RNF135: variants seen among roughly 807,000 people sequenced by gnomAD.
The protein encoded by RNF135 is ring finger protein 135, also known as E3 ubiquitin-protein ligase RNF135.
RNF135 carries 46 observed loss-of-function variants against 41.9 expected under a neutral mutation model. The ratio of observed to expected loss-of-function variants is 1.10; its 90% CI spans 0.87 to 1.40. The LOEUF (loss-of-function observed/expected upper bound fraction) is 1.40. Ranked by LOEUF, RNF135 falls within the 40% of genes most tolerant of loss-of-function variation. RNF135 has a pLI of 0.00. For synonymous variants in RNF135, 238 were observed against 223.8 expected (o/e 1.06, Z -0.57); for missense variants, 539 against 549.8 (o/e 0.98, Z 0.20).
At chr17:30,972,964 C>G (rs1196694722) in intron 1 of RNF135, 1 of 152,126 alleles carries the variant, frequency 6.6e-6, no homozygotes, top group Non-Finnish European at 1.5e-5. Flanking sequence ...TTAGTAGAGA[C>G]GGGTTTTCAC....
At chr17:30,983,347 ATATATATTT>A (rs1175770359) in intron 1 of RNF135, among the ~76,000 whole-genome samples, 655 of 36,630 alleles carry the variant, frequency 0.018, 6 homozygotes, top group African/African-American at 0.063. Flanking sequence ...ATATATATAT[ATATATATTT>A]TTTTTTTTTT....
At chr17:30,980,411 C>G (rs1261632249) in intron 1 of RNF135, among the ~76,000 whole-genome samples, 1 of 145,552 alleles carries the variant, frequency 6.9e-6, no homozygotes, top group Non-Finnish European at 1.5e-5. Flanking sequence ...TAGGGGCGGC[C>G]GGGCAGAGGG....
At chr17:30,998,390 A>T (rs1908511115) in intron 4 of RNF135, among the ~76,000 whole-genome samples, 1 of 152,196 alleles carries the variant, frequency 6.6e-6, no homozygotes, top group South Asian at 2.1e-4. Flanking sequence ...AATAAATTTT[A>T]AAAATAAATA....
At chr17:30,992,353 C>T (rs1274534475) in intron 3 of RNF135, among the ~76,000 whole-genome samples, 2 of 151,962 alleles carry the variant, frequency 1.3e-5, no homozygotes, top group African/African-American at 4.8e-5. Flanking sequence ...CAGGTGTGAA[C>T]CACCATGTCT....
intron 1 of RNF135, among the ~76,000 whole-genome samples, chr17:30,983,161 TTGTC>T (rs1907276753): frequency 6.6e-6 from 1 of 151,558 alleles, no homozygotes; most frequent in South Asian, 2.1e-4. Context: ...ATTCATTCAT[TTGTC>T]TGCAGATACT....
intron 1 of RNF135, among the ~76,000 whole-genome samples, chr17:30,982,982 C>T (rs1907264631): frequency 2.0e-5 from 3 of 152,092 alleles, no homozygotes; most frequent in Admixed American, 2.0e-4. Context: ...TTTGACTACT[C>T]TAAATACCTC....
At chr17:30,982,965 C>T (rs1003862178) in intron 1 of RNF135, among the ~76,000 whole-genome samples, 32 of 152,112 alleles carry the variant, frequency 2.1e-4, no homozygotes, top group Non-Finnish European at 4.3e-4. Flanking sequence ...TAATTTCTGT[C>T]TCTGATTTTG....
At chr17:30,983,332 TATATATATATATATA>T (rs1907307098) in intron 1 of RNF135, among the ~76,000 whole-genome samples, 1 of 34,582 alleles carries the variant, frequency 2.9e-5, no homozygotes, top group African/African-American at 9.5e-5. Context: ...TATATATATA[TATATATATATATATA>T]TATATATTTT....
chr17:30,990,626 T>G (rs1291295074), intron 3 of RNF135, among the ~76,000 whole-genome samples: 1 of 152,178 alleles, frequency 6.6e-6, no homozygotes, highest in Non-Finnish European at 1.5e-5. Flanking sequence ...TTTATTACCG[T>G]TTTTTTGAGT....
At position 30,971,489 on chromosome 17, in the gene RNF135, C is replaced by T. The variant is rs778015883; in HGVS notation, c.372+44C>T. ...CAGCTCCCCTGGCTCCCCCGGGCTG[C>T]CCGCCGCCTGACCCTTTCCCATGTG... is the stretch of plus-strand genomic sequence containing the variant. On this transcript the variant is annotated intron_variant, in intron 1 of 4. Transcript: ENST00000328381. The T allele has an allele frequency of 6.2e-6, 9 of 1,451,302 alleles. No individual in the cohort carries two copies. In the South Asian group the frequency reaches 9.8e-5, roughly 16 times the overall value. 89.9% of individuals were successfully genotyped at this position (1,451,302 alleles called of 1,614,324 possible).
chr17:30,962,440 A>G, the RNF135 span, among the ~76,000 whole-genome samples: 1 of 137,564 alleles, frequency 7.3e-6, no homozygotes, highest in Non-Finnish European at 1.6e-5. Flanking sequence ...CCTATGCTGC[A>G]CTTCTTTTGC....
At chr17:30,971,476 C>A (rs1211832019) in intron 1 of RNF135, 31 bp downstream of exon 1, 3 of 1,463,964 alleles carry the variant, frequency 2.0e-6, no homozygotes, top group Non-Finnish European at 2.7e-6. Flanking sequence ...GCTCCCCTGG[C>A]TCCCCCGGGC....
intron 2 of RNF135, among the ~76,000 whole-genome samples, chr17:30,986,845 A>G (rs1907624394): frequency 6.6e-6 from 1 of 152,206 alleles, no homozygotes; most frequent in African/African-American, 2.4e-5. Flanking sequence ...GTTATAATTA[A>G]CTGTGGCAAT....
Position 30,971,333 on chromosome 17 carries a change from G to C in RNF135, c.260G>C (p.Arg87Pro). ...LLQDLADKYR[R>P]AAREIQAGSD... The stretch of plus-strand genomic sequence containing the variant: ...CAGGACCTGGCCGACAAGTACCGCC[G>C]CGCCGCACGCGAGATACAGGCGGGC... Residue 87 changes from arginine (R) to proline (P), a missense_variant, in exon 1 of 5, where the codon CGC becomes CCC. Arg to Pro is a moderately radical substitution (Grantham distance 103). Coordinates refer to ENST00000328381, the MANE Select transcript of RNF135 (RefSeq NM_032322.4). The C allele has an allele frequency of 2.6e-6, 4 of 1,533,432 alleles. No individual in the cohort carries two copies. The highest frequency in any genetic ancestry group is 3.5e-6 in the Non-Finnish European group (4 of 1,143,544). The allele number at this position is 1,533,432 out of a possible 1,614,324, so 95.0% of individuals were successfully genotyped here. A position where few individuals can be genotyped will look rare whatever the true frequency, so the allele number is the denominator to read the frequency against.
At chr17:30,976,032 C>T (rs1479338427) in intron 1 of RNF135, 7 of 267,744 alleles carry the variant, frequency 2.6e-5, no homozygotes, top group East Asian at 2.4e-4. Context: ...TTTGAGATGG[C>T]GTCTCGCTCT....
the RNF135 span, among the ~76,000 whole-genome samples, chr17:30,960,317 G>A: frequency 2.9e-4 from 44 of 151,852 alleles, no homozygotes; most frequent in African/African-American, 1.0e-3. Context: ...GCTTGAACCC[G>A]GCAGGCGGAG....
chr17:30,992,307 A>C (rs962254952), intron 3 of RNF135, among the ~76,000 whole-genome samples: 2 of 151,670 alleles, frequency 1.3e-5, no homozygotes, highest in Non-Finnish European at 2.9e-5. Flanking sequence ...GGCTCAAGCA[A>C]TCCTTCTGTC....
intron 1 of RNF135, chr17:30,972,510 TA>T (rs1906080458): frequency 6.6e-6 from 1 of 152,200 alleles, no homozygotes; most frequent in Admixed American, 6.5e-5. Flanking sequence ...TTCATCATCA[TA>T]AACAGAAACT....
At chr17:30,971,742 T>C in intron 1 of RNF135, 1 of 1,284,650 alleles carries the variant, frequency 7.8e-7, no homozygotes, top group Non-Finnish European at 9.8e-7. Flanking sequence ...ACTTGTAAAA[T>C]TGTGGTAAGA....
Sources: allele counts gnomAD v4.1 joint callset (sites outside exome capture counted in the v4.1 genomes callset), GRCh38; gene constraint gnomAD v4.1.1; transcripts MANE v1.5; gene names NCBI Gene and HGNC (gene_info 2026-07-23, HGNC 2026-07-21).